SH3PXD2B: variants seen among roughly 807,000 people sequenced by gnomAD.
SH3PXD2B encodes the protein SH3 and PX domain-containing protein 2B.
SH3PXD2B carries 37 observed loss-of-function variants against 73.1 expected under a neutral mutation model. That is an observed-to-expected ratio of 0.51 (90% confidence interval 0.39 to 0.67). The LOEUF is 0.67. Among genes scored for constraint, SH3PXD2B ranks in the 30% least tolerant of loss-of-function variants. SH3PXD2B has a pLI of 0.00. For synonymous variants in SH3PXD2B, 457 were observed against 480.5 expected (o/e 0.95, Z 0.64); for missense variants, 1,053 against 1,197.8 (o/e 0.88, Z 1.78).
chr5:172,341,812 G>A (rs1022880476), intron 12 of SH3PXD2B, among the ~76,000 whole-genome samples: 5 of 151,650 alleles, frequency 3.3e-5, no homozygotes, highest in Non-Finnish European at 7.4e-5. Context: ...CACCGTGCCC[G>A]GCTAATTTTT....
intron 3 of SH3PXD2B, among the ~76,000 whole-genome samples, chr5:172,399,696 T>C (rs1412008676): frequency 6.6e-6 from 1 of 152,212 alleles, no homozygotes. Flanking sequence ...CCATTTCTAT[T>C]AGCCTGACAA....
chr5:172,341,088 CTT>C (rs1561892276), intron 12 of SH3PXD2B, among the ~76,000 whole-genome samples: 1 of 152,166 alleles, frequency 6.6e-6, no homozygotes. Context: ...TTCTCTGTCT[CTT>C]TTTTGTCCAG....
intron 7 of SH3PXD2B, among the ~76,000 whole-genome samples, chr5:172,361,372 G>A (rs1757401046): frequency 1.3e-5 from 2 of 152,110 alleles, no homozygotes; most frequent in Non-Finnish European, 2.9e-5. Flanking sequence ...GTATTACTTG[G>A]ATAAGTACAA....
At chr5:172,439,698 AC>A (rs1759506764) in intron 1 of SH3PXD2B, among the ~76,000 whole-genome samples, 2 of 111,550 alleles carry the variant, frequency 1.8e-5, no homozygotes, top group Admixed American at 2.0e-4. Flanking sequence ...GCGCGCACAC[AC>A]ACACACACAC....
intron 6 of SH3PXD2B, among the ~76,000 whole-genome samples, chr5:172,363,513 A>C (rs941207890): frequency 5.3e-5 from 8 of 152,218 alleles, no homozygotes; most frequent in Non-Finnish European, 8.8e-5. Context: ...GATGGAAACA[A>C]CCAGGATGCT....
In SH3PXD2B at chr5:172,333,743, C is replaced by T. The variant is rs753600088; in HGVS notation, c.*4626G>A. On this transcript the variant is annotated 3_prime_UTR_variant, in exon 13 of 13. Coordinates refer to ENST00000311601, the MANE Select transcript of SH3PXD2B (RefSeq NM_001017995.3). ...TCCAGCGTCATCCTATGAGCAGACA[C>T]GAGGTGGTGGGCAGTGCCCACTGTT... 23 of 1,289,210 alleles carry T rather than the reference C, an allele frequency of 1.8e-5. No individual in the cohort carries two copies. In the African/African-American group the frequency reaches 2.0e-4, roughly 11 times the overall value. The allele number at this position is 1,289,210 out of a possible 1,614,324, so 79.9% of individuals were successfully genotyped here.
intron 4 of SH3PXD2B, among the ~76,000 whole-genome samples, chr5:172,391,363 C>A (rs1282950248): frequency 4.6e-5 from 7 of 152,136 alleles, no homozygotes; most frequent in African/African-American, 1.7e-4. Flanking sequence ...TCTTTAAAAT[C>A]GGGTTGTCTT....
rs1454791900 is a variant in SH3PXD2B, at chr5:172,392,673, G to A, written c.309+1890C>T. On this transcript the variant is annotated intron_variant, in intron 4 of 12. Transcript: ENST00000311601. ...GGTGGTGGGTGCCTGTAATCCCAGC[G>A]ACTCAGGAGGCTGAGGCAGGAGAAT... Among the ~76,000 whole-genome samples, 6 of 151,670 alleles carry A rather than the reference G, an allele frequency of 4.0e-5. No individual in the cohort carries two copies. The South Asian group carries it at 6.2e-4, about 16-fold the overall frequency.
chr5:172,439,662 ATGTG>A (rs1324192827), intron 1 of SH3PXD2B, among the ~76,000 whole-genome samples: 3 of 135,880 alleles, frequency 2.2e-5, no homozygotes, highest in Non-Finnish European at 4.6e-5. Context: ...AAAACCAGGT[ATGTG>A]TGTGCGTGCG....
At chr5:172,416,696 C>CTTTTTTT (rs202242720) in intron 2 of SH3PXD2B, among the ~76,000 whole-genome samples, 2 of 62,262 alleles carry the variant, frequency 3.2e-5, no homozygotes, top group Non-Finnish European at 6.1e-5. Context: ...CTCTCTCTCT[C>CTTTTTTT]TTTTTTTTTT....
At chr5:172,329,234 C>T (rs1371399111), downstream of SH3PXD2B, among the ~76,000 whole-genome samples, 2 of 148,836 alleles carry the variant, frequency 1.3e-5, no homozygotes, top group Non-Finnish European at 3.0e-5. Context: ...GCACGTGCCA[C>T]CATGCCCAGC....
intron 12 of SH3PXD2B, among the ~76,000 whole-genome samples, chr5:172,343,689 C>G (rs952153159): frequency 6.6e-6 from 1 of 152,014 alleles, no homozygotes; most frequent in Non-Finnish European, 1.5e-5. Context: ...CCTGTAATCC[C>G]AGCTACTTGG....
chr5:172,409,502 G>C (rs1315513317), intron 2 of SH3PXD2B, among the ~76,000 whole-genome samples: 1 of 151,904 alleles, frequency 6.6e-6, no homozygotes, highest in Non-Finnish European at 1.5e-5. Context: ...ACCCTCCCCA[G>C]CCTCTAGTTA....
At chr5:172,326,298 A>C (rs1467980306) in intron 12 of SH3PXD2B, among the ~76,000 whole-genome samples, 2 of 152,218 alleles carry the variant, frequency 1.3e-5, no homozygotes, top group Non-Finnish European at 2.9e-5. Context: ...AAAATGTAGG[A>C]TCTACAGCAG....
chr5:172,336,577 CAA>C lies in SH3PXD2B; in HGVS notation c.*1790_*1791del. On this transcript the variant is annotated 3_prime_UTR_variant, in exon 13 of 13. Transcript: ENST00000311601. ...GCGCGGCAGAAGAGGGCTGTTCAAG[CAA>C]AACTTTGGCACTGCAGGTAGACACT... is the stretch of plus-strand genomic sequence containing the variant. 1 of 985,730 alleles carries C rather than the reference CAA, an allele frequency of 1.0e-6. No homozygotes were observed. The highest frequency in any genetic ancestry group is 1.2e-6 in the Non-Finnish European group (1 of 830,026). The allele number at this position is 985,730 out of a possible 1,614,324, so 61.1% of individuals were successfully genotyped here.
intron 4 of SH3PXD2B, among the ~76,000 whole-genome samples, chr5:172,387,238 G>A (rs573180576): frequency 7.2e-5 from 11 of 152,240 alleles, no homozygotes; most frequent in Admixed American, 3.3e-4. Context: ...AAGCTACACC[G>A]TATGATGCTT....
chr5:172,336,529 G>A lies in SH3PXD2B; in HGVS notation c.*1840C>T, dbSNP rs1561888441. 1.0e-6 allele frequency: 1 copy of A among 985,742 alleles called. No homozygotes were observed. Among genetic ancestry groups the A allele is most frequent in the Non-Finnish European group, 1.2e-6 (1 of 829,964 alleles). The allele number at this position is 985,742 out of a possible 1,614,324, so 61.1% of individuals were successfully genotyped here. ...TCACGCAGAAGCAGCCAGCACCCACGTGATAGGGGGTGGAGCTGGGAGGCG... is the reference window on the plus strand; with the variant it reads ...TCACGCAGAAGCAGCCAGCACCCACATGATAGGGGGTGGAGCTGGGAGGCG... On this transcript the variant is annotated 3_prime_UTR_variant, in exon 13 of 13. Transcript: ENST00000311601.
chr5:172,436,760 G>A (rs999110480), intron 1 of SH3PXD2B, among the ~76,000 whole-genome samples: 1 of 152,238 alleles, frequency 6.6e-6, no homozygotes, highest in African/African-American at 2.4e-5. Context: ...TTCTGCAGCG[G>A]GTCATCAGGC....
In SH3PXD2B at chr5:172,336,554, G is replaced by A. The variant is rs1756697028; in HGVS notation, c.*1815C>T. On this transcript the variant is annotated 3_prime_UTR_variant, in exon 13 of 13. Coordinates refer to ENST00000311601, the MANE Select transcript of SH3PXD2B (RefSeq NM_001017995.3). ...GTGATAGGGGGTGGAGCTGGGAGGC[G>A]CGGCAGAAGAGGGCTGTTCAAGCAA... 1.0e-5 allele frequency: 10 copies of A among 985,978 alleles called. No individual in the cohort carries two copies. Among genetic ancestry groups the A allele is most frequent in the Admixed American group, 6.1e-5 (1 of 16,276 alleles). The allele number at this position is 985,978 out of a possible 1,614,324, so 61.1% of individuals were successfully genotyped here. A position where few individuals can be genotyped will look rare whatever the true frequency, so the allele number is the denominator to read the frequency against.
Sources: allele counts gnomAD v4.1 joint callset (sites outside exome capture counted in the v4.1 genomes callset), GRCh38; gene constraint gnomAD v4.1.1; transcripts MANE v1.5; gene names NCBI Gene and HGNC (gene_info 2026-07-23, HGNC 2026-07-21).